The following RCAN2 variants were observed in gnomAD, a reference collection of about 807,000 sequenced individuals.
RCAN2 encodes the protein calcipressin-2.
Under a neutral mutation model 23.6 loss-of-function variants are expected in RCAN2, and 9 were observed. The observed-to-expected ratio is 0.38, with a 90% confidence interval of 0.23 to 0.67. The LOEUF is 0.67. RCAN2 is among the 30% of genes least tolerant of loss of function. RCAN2 has a pLI of 0.51. For synonymous variants in RCAN2, 109 were observed against 115.7 expected (o/e 0.94, Z 0.37); for missense variants, 273 against 302.3 (o/e 0.90, Z 0.72).
At chr6:46,327,146 A>G (rs1168632058) in intron 2 of RCAN2, among the ~76,000 whole-genome samples, 2 of 152,360 alleles carry the variant, frequency 1.3e-5, no homozygotes, top group East Asian at 3.9e-4. Flanking sequence ...CTTAAAATCC[A>G]GGGGAGGAGA....
At chr6:46,456,283 A>AG (rs1768027379) in intron 2 of RCAN2, among the ~76,000 whole-genome samples, 1 of 152,216 alleles carries the variant, frequency 6.6e-6, no homozygotes, top group Non-Finnish European at 1.5e-5. Context: ...ACCTTCTCTA[A>AG]TATCTACTGT....
intron 1 of RCAN2, among the ~76,000 whole-genome samples, chr6:46,461,173 T>C (rs1176475344): frequency 6.6e-6 from 1 of 152,212 alleles, no homozygotes; most frequent in Non-Finnish European, 1.5e-5. Context: ...GCAGTGTTTT[T>C]TTTACATGTA....
At chr6:46,260,741 C>T (rs992636238) in intron 2 of RCAN2, among the ~76,000 whole-genome samples, 1 of 152,150 alleles carries the variant, frequency 6.6e-6, no homozygotes, top group Admixed American at 6.5e-5. Context: ...CTGCAAGTCT[C>T]TTGCCTGCAC....
chr6:46,440,630 A>G (rs1767511372), intron 2 of RCAN2, among the ~76,000 whole-genome samples: 1 of 152,068 alleles, frequency 6.6e-6, no homozygotes, highest in Non-Finnish European at 1.5e-5. Context: ...TTAGGTTAGT[A>G]TATAAGAAAT....
At chr6:46,466,596 C>T (rs1431216499) in intron 1 of RCAN2, among the ~76,000 whole-genome samples, 2 of 152,074 alleles carry the variant, frequency 1.3e-5, no homozygotes, top group Non-Finnish European at 2.9e-5. Flanking sequence ...GCTATTTTTT[C>T]CCACAATACA....
intron 2 of RCAN2, among the ~76,000 whole-genome samples, chr6:46,288,729 C>G (rs546915003): frequency 6.6e-6 from 1 of 152,256 alleles, no homozygotes; most frequent in African/African-American, 2.4e-5. Context: ...AACCTATTGC[C>G]TTGGGCAGGA....
chr6:46,433,343 G>A (rs1208047140), intron 2 of RCAN2, among the ~76,000 whole-genome samples: 5 of 152,072 alleles, frequency 3.3e-5, no homozygotes, highest in Non-Finnish European at 4.4e-5. Flanking sequence ...ACTCCTACCC[G>A]AGTCCCACCA....
intron 2 of RCAN2, among the ~76,000 whole-genome samples, chr6:46,429,113 G>A (rs1025866350): frequency 1.3e-5 from 2 of 152,160 alleles, no homozygotes; most frequent in African/African-American, 4.8e-5. Context: ...AGTAGTAGGG[G>A]CAAAAGGGGT....
intron 2 of RCAN2, among the ~76,000 whole-genome samples, chr6:46,299,908 C>T (rs931314380): frequency 6.6e-6 from 1 of 151,766 alleles, no homozygotes; most frequent in Non-Finnish European, 1.5e-5. Context: ...AGCTTCACTA[C>T]TTAATTGGTT....
chr6:46,391,573 A>G (rs942324855), intron 2 of RCAN2, among the ~76,000 whole-genome samples: 6 of 152,096 alleles, frequency 3.9e-5, no homozygotes, highest in African/African-American at 1.4e-4. Context: ...AATTTGCTCT[A>G]TGTTTCTTGG....
At chr6:46,328,658 T>C (rs1302064543) in intron 2 of RCAN2, among the ~76,000 whole-genome samples, 1 of 152,232 alleles carries the variant, frequency 6.6e-6, no homozygotes, top group East Asian at 1.9e-4. Flanking sequence ...ATCACCAGGC[T>C]GGAGTGCAGT....
intron 4 of RCAN2, among the ~76,000 whole-genome samples, chr6:46,234,377 T>G (rs1766016821): frequency 6.6e-6 from 1 of 152,218 alleles, no homozygotes; most frequent in Admixed American, 6.5e-5. Flanking sequence ...CTTTTTCCCT[T>G]TGGGCTTCAA....
At chr6:46,483,858 G>A (rs543636017) in intron 1 of RCAN2, among the ~76,000 whole-genome samples, 1 of 152,076 alleles carries the variant, frequency 6.6e-6, no homozygotes, top group South Asian at 2.1e-4. Flanking sequence ...ACCTATTCAC[G>A]AATTATTAGT....
At chr6:46,232,183 C>T (rs1173875871) in intron 4 of RCAN2, among the ~76,000 whole-genome samples, 1 of 152,244 alleles carries the variant, frequency 6.6e-6, no homozygotes, top group Non-Finnish European at 1.5e-5. Flanking sequence ...TGATAGTTGG[C>T]ACTAACCCAG....
intron 2 of RCAN2, among the ~76,000 whole-genome samples, chr6:46,271,742 C>T (rs901547160): frequency 6.6e-6 from 1 of 152,166 alleles, no homozygotes; most frequent in Non-Finnish European, 1.5e-5. Flanking sequence ...TTCCCTTACT[C>T]GTGGTAGTGG....
At chr6:46,263,521 A>ATGTGTGTGTGTGTGTGTGTGTGTGTGTG (rs1166873309) in intron 2 of RCAN2, among the ~76,000 whole-genome samples, 9 of 105,016 alleles carry the variant, frequency 8.6e-5, no homozygotes, top group Non-Finnish European at 1.0e-4. Flanking sequence ...GTATGTGTGT[A>ATGTGTGTGTGTGTGTGTGTGTGTGTGTG]TGTGTGTGTG....
intron 1 of RCAN2, among the ~76,000 whole-genome samples, chr6:46,486,092 T>A (rs1768982670): frequency 6.6e-6 from 1 of 152,218 alleles, no homozygotes; most frequent in Non-Finnish European, 1.5e-5. Context: ...TCCATTTTTC[T>A]GTGCACATTC....
At chr6:46,485,115 C>T (rs1454793350) in intron 1 of RCAN2, among the ~76,000 whole-genome samples, 1 of 152,034 alleles carries the variant, frequency 6.6e-6, no homozygotes, top group Non-Finnish European at 1.5e-5. Flanking sequence ...TAATCCAAAA[C>T]ATAGAAAAAA....
At chr6:46,234,275 G>A (rs893318493) in intron 4 of RCAN2, among the ~76,000 whole-genome samples, 3 of 152,122 alleles carry the variant, frequency 2.0e-5, no homozygotes, top group Non-Finnish European at 2.9e-5. Flanking sequence ...TCTTACTATC[G>A]AAAGCCAGCA....
Sources: gnomAD v4.1 joint callset for allele counts (sites outside exome capture counted in the v4.1 genomes callset) on GRCh38, gnomAD v4.1.1 for gene constraint, MANE v1.5 for transcripts, NCBI Gene and HGNC (gene_info 2026-07-23, HGNC 2026-07-21) for gene names.